The following SYNE1 variants were observed in gnomAD, a reference collection of about 807,000 sequenced individuals.
SYNE1 encodes the protein nesprin-1.
A neutral mutation model predicts 1,111.0 loss-of-function variants in SYNE1; 616 were observed. That is an observed-to-expected ratio of 0.55 (90% CI 0.52 to 0.59). SYNE1 has a LOEUF of 0.59. SYNE1 is among the 20% of genes least tolerant of loss of function. The pLI is 0.00. For missense variants in SYNE1, 10,006 were observed against 10,417.0 expected (o/e 0.96, Z 1.72); for synonymous variants, 3,855 against 3,825.8 (o/e 1.01, Z -0.28).
At chr6:152,182,943 G>A (rs988338620) in intron 128 of SYNE1, among the ~76,000 whole-genome samples, 1 of 151,760 alleles carries the variant, frequency 6.6e-6, no homozygotes, top group Non-Finnish European at 1.5e-5. Context: ...GTTTCTCATT[G>A]AGGTTTTTGG....
At chr6:152,605,621 T>A (rs1171441531) in intron 3 of SYNE1, among the ~76,000 whole-genome samples, 2 of 152,152 alleles carry the variant, frequency 1.3e-5, no homozygotes, top group Non-Finnish European at 2.9e-5. Flanking sequence ...TGAGGCTGAG[T>A]CAACACTTCC....
chr6:152,301,983 G>A lies in SYNE1; in HGVS notation c.17427C>T (p.Ala5809=). 1 of 1,614,248 alleles carries A rather than the reference G, an allele frequency of 6.2e-7. No homozygotes were observed. The highest frequency in any genetic ancestry group is 8.5e-7 in the Non-Finnish European group (1 of 1,180,044). The change falls in exon 92 of 146, where the codon GCC becomes GCT. Residue 5809 remains alanine, a synonymous_variant. Transcript: ENST00000367255. ...CCGTCAGCAGCATGGTGGCGTGCTT[G>A]GCTTTCATCGTCAGCATCTTGCACT... ...NSKCKMLTMK[A]KHATMLLTVT...
chr6:152,397,012 G>C, intron 49 of SYNE1, 32 bp from the exon 50 acceptor site: 1 of 1,600,392 alleles, frequency 6.2e-7, no homozygotes. Context: ...ATAGGTCCAT[G>C]GGACTATGCA....
chr6:152,483,050 G>A (rs1229484916), intron 14 of SYNE1, 35 bp downstream of exon 14: 2 of 1,613,782 alleles, frequency 1.2e-6, no homozygotes, highest in East Asian at 2.2e-5. Flanking sequence ...CAGTAGGGCT[G>A]TTATGCTGCA....
intron 131 of SYNE1, among the ~76,000 whole-genome samples, chr6:152,156,339 G>C (rs1001496169): frequency 6.6e-6 from 1 of 152,098 alleles, no homozygotes; most frequent in Admixed American, 6.6e-5. Context: ...AAATGAAATG[G>C]TCTACACTAA....
chr6:152,595,824 T>A (rs534416206), intron 3 of SYNE1, among the ~76,000 whole-genome samples: 16 of 152,232 alleles, frequency 1.1e-4, no homozygotes, highest in Middle Eastern at 6.8e-3. Flanking sequence ...ACCTGTACGA[T>A]GCGGCTGTTG....
rs556951568 is a variant in SYNE1, at chr6:152,229,718, C to T, written c.21195+829G>A. 1.2e-3 allele frequency among the ~76,000 whole-genome samples: 189 copies of T among 152,054 alleles called. 1 individual carries two copies. The highest frequency in any genetic ancestry group is 4.3e-3 in the African/African-American group (179 of 41,458). ...ACATGGCACCCATCAACAGCTTCTG[C>T]GACAGGTTATGGTCTTAAAAAAATA... is the stretch of plus-strand genomic sequence containing the variant. On this transcript the variant is annotated intron_variant, in intron 115 of 145. Transcript: ENST00000367255.
At chr6:152,344,781 A>T (rs1431233701) in intron 73 of SYNE1, among the ~76,000 whole-genome samples, 1 of 152,178 alleles carries the variant, frequency 6.6e-6, no homozygotes, top group Non-Finnish European at 1.5e-5. Flanking sequence ...GGCAAAAATA[A>T]TCCAGAATAA....
intron 128 of SYNE1, among the ~76,000 whole-genome samples, chr6:152,189,038 G>A (rs1180842135): frequency 8.9e-6 from 1 of 112,966 alleles, no homozygotes; most frequent in African/African-American, 3.2e-5. Context: ...GCCAGCAAAA[G>A]TGAAAGAAAA....
At chr6:152,310,937 T>C (rs1360706396) in intron 87 of SYNE1, 64 bp from the exon 88 acceptor site, 11 of 1,531,512 alleles carry the variant, frequency 7.2e-6, no homozygotes, top group Non-Finnish European at 9.8e-6. Context: ...ATATTCAATA[T>C]AGCTTGGCAT....
chr6:152,301,884 G>A lies in SYNE1; in HGVS notation c.17526C>T (p.His5842=). ...DGELLPTPSA[H]PSVVMMTAGR... ...GGATCCTTACCATGACCACAGAGGG[G>A]TGGGCCGAAGGCGTGGGGAGGAGCT... Residue 5842 remains histidine, a synonymous_variant, in exon 92 of 146, where the codon CAC becomes CAT. Transcript: ENST00000367255. 6.2e-7 allele frequency: 1 copy of A among 1,613,608 alleles called. No homozygotes were observed. The highest frequency in any genetic ancestry group is 1.1e-5 in the South Asian group (1 of 91,070).
intron 98 of SYNE1, among the ~76,000 whole-genome samples, chr6:152,270,870 A>G (rs1371232449): frequency 6.6e-6 from 1 of 152,202 alleles, no homozygotes; most frequent in Admixed American, 6.5e-5. Context: ...CAGCCTTGCA[A>G]AGATCTAGAG....
intron 90 of SYNE1, 144 bp downstream of exon 90, chr6:152,309,691 A>T: frequency 9.7e-7 from 1 of 1,032,128 alleles, no homozygotes. Flanking sequence ...ACAGCATTTT[A>T]ATCTCCTTAT....
Position 152,354,892 on chromosome 6 carries a change from G to T in SYNE1, c.10693C>A (p.Pro3565Thr). The T allele has an allele frequency of 6.2e-7, 1 of 1,614,122 alleles. No individual in the cohort carries two copies. The highest frequency in any genetic ancestry group is 8.5e-7 in the Non-Finnish European group (1 of 1,180,036). Residue 3565 changes from proline to threonine, a missense_variant, in exon 67 of 146, where the codon CCA becomes ACA. Pro to Thr is a conservative substitution (Grantham distance 38). This residue lies in a region of SYNE1 where 4,955 missense variants were observed against 5,017.2 expected (regional missense o/e 0.99). Transcript: ENST00000367255. ...TREDVIPSGI[P>T]QAEDRALESL... ...TCTAAAGCCCGGTCCTCTGCCTGTG[G>T]GATACCTGATGGGATCACATCCTCT...
intron 110 of SYNE1, among the ~76,000 whole-genome samples, chr6:152,235,205 T>C (rs984422981): frequency 6.6e-6 from 1 of 152,162 alleles, no homozygotes; most frequent in African/African-American, 2.4e-5. Context: ...ATGTTTTCTC[T>C]TTCTCTCCCT....
Position 152,269,194 on chromosome 6 carries a change from T to C in SYNE1, c.18666A>G (p.Thr6222=), listed in dbSNP as rs773520848. 4 of 1,614,194 alleles carry C rather than the reference T, an allele frequency of 2.5e-6. No homozygotes were observed. In the East Asian group the frequency reaches 8.9e-5, roughly 36 times the overall value. Residue 6222 remains threonine, a synonymous_variant, in exon 99 of 146, where the codon ACA becomes ACG. Coordinates refer to ENST00000367255, the MANE Select transcript of SYNE1 (RefSeq NM_182961.4). ...GACTGCTCTGCCGCTGCTGGGTCCA[T>C]GTGGTGCGAGCTTGGGCCAGCCATT... ...VQEWLAQART[T]WTQQRQSSLQ... is the part of the protein sequence containing the mutation.
At chr6:152,336,780 A>G (rs1590373191) in intron 76 of SYNE1, 61 bp downstream of exon 76, 2 of 1,592,746 alleles carry the variant, frequency 1.3e-6, no homozygotes, top group Non-Finnish European at 8.5e-7. Flanking sequence ...CACTGAACAC[A>G]TTTCAGGTTT....
chr6:152,327,637 A>C (rs1440516164), intron 78 of SYNE1, among the ~76,000 whole-genome samples: 2 of 152,206 alleles, frequency 1.3e-5, no homozygotes, highest in Non-Finnish European at 2.9e-5. Flanking sequence ...GAATCAGCGG[A>C]GGGAATAAGA....
At chr6:152,149,142 G>A (rs144202533) in intron 136 of SYNE1, among the ~76,000 whole-genome samples, 4 of 152,204 alleles carry the variant, frequency 2.6e-5, no homozygotes, top group East Asian at 3.9e-4. Context: ...ATGTTTCTGC[G>A]ATCAAAAGAT....
Sources: gnomAD v4.1 joint callset for allele counts (sites outside exome capture counted in the v4.1 genomes callset) on GRCh38, gnomAD v4.1.1 for gene constraint, gnomAD v4.1.1 regional missense constraint, MANE v1.5 for transcripts, NCBI Gene and HGNC (gene_info 2026-07-23, HGNC 2026-07-21) for gene names.